The following CSMD1 variants were observed in gnomAD, a reference collection of about 807,000 sequenced individuals.
The protein encoded by CSMD1 is CUB and Sushi multiple domains 1.
CSMD1 carries 213 observed loss-of-function variants against 417.5 expected under a neutral mutation model. The observed-to-expected ratio is 0.51, with a 90% CI of 0.46 to 0.57. The LOEUF (loss-of-function observed/expected upper bound fraction) is 0.57, where lower values mean the gene tolerates loss of function less well. Ranked by LOEUF, CSMD1 falls within the 20% of genes least tolerant of loss-of-function variation. The pLI is 0.00. For synonymous variants in CSMD1, 2,862 were observed against 1,736.8 expected (o/e 1.65, Z -16.11); for missense variants, 6,923 against 4,529.7 (o/e 1.53, Z -15.17).
At chr8:3,349,722 A>C (rs150976860) in intron 21 of CSMD1, among the ~76,000 whole-genome samples, 19 of 147,872 alleles carry the variant, frequency 1.3e-4, no homozygotes, top group Non-Finnish European at 2.7e-4. Flanking sequence ...GAGTAGGTGT[A>C]TATATCTATA....
chr8:3,365,089 T>C (rs1265298153), intron 20 of CSMD1, among the ~76,000 whole-genome samples: 4 of 152,198 alleles, frequency 2.6e-5, no homozygotes, highest in Admixed American at 2.6e-4. Flanking sequence ...GGAAGTGATA[T>C]TCTCATAGCA....
chr8:4,855,665 C>A (rs550597324), intron 1 of CSMD1, among the ~76,000 whole-genome samples: 3 of 151,790 alleles, frequency 2.0e-5, no homozygotes, highest in African/African-American at 7.3e-5. Flanking sequence ...AGGGTATCAG[C>A]GATGGAAGAT....
At chr8:4,475,939 T>G (rs1420142985) in intron 2 of CSMD1, among the ~76,000 whole-genome samples, 2 of 152,176 alleles carry the variant, frequency 1.3e-5, no homozygotes, top group African/African-American at 2.4e-5. Context: ...TTGGTGTTAT[T>G]GCTGTTGGTT....
intron 1 of CSMD1, among the ~76,000 whole-genome samples, chr8:4,774,955 C>T (rs1796774349): frequency 6.6e-6 from 1 of 152,150 alleles, no homozygotes. Context: ...AAACCTTGAG[C>T]AAATTAAACC....
intron 2 of CSMD1, among the ~76,000 whole-genome samples, chr8:4,590,833 A>T (rs1047267602): frequency 1.3e-5 from 2 of 152,210 alleles, no homozygotes; most frequent in South Asian, 2.1e-4. Flanking sequence ...ATAAAAGGAT[A>T]TGGGACATAA....
chr8:4,223,056 C>G (rs1017739987), intron 3 of CSMD1, among the ~76,000 whole-genome samples: 1 of 152,058 alleles, frequency 6.6e-6, no homozygotes, highest in African/African-American at 2.4e-5. Flanking sequence ...CTACATTGGA[C>G]ATTGGAGAGC....
chr8:3,524,536 C>G lies in CSMD1; in HGVS notation c.1345-30810G>C, dbSNP rs368147012. On this transcript the variant is annotated intron_variant, in intron 10 of 69. Coordinates refer to ENST00000635120, the MANE Select transcript of CSMD1 (RefSeq NM_033225.6). ...GCACACATGCAAAGACATACGCACA[C>G]ACAAGCACACACATGCACACACACA... Among the ~76,000 whole-genome samples, 301 of 150,926 alleles carry G rather than the reference C, an allele frequency of 2.0e-3. 1 individual carries two copies. The highest frequency in any genetic ancestry group is 7.1e-3 in the African/African-American group (288 of 40,812).
At chr8:4,993,435 G>A (rs543351925) in intron 1 of CSMD1, among the ~76,000 whole-genome samples, 1 of 152,252 alleles carries the variant, frequency 6.6e-6, no homozygotes, top group South Asian at 2.1e-4. Context: ...GGGAGCTTAT[G>A]TTCTTTCCCG....
intron 25 of CSMD1, among the ~76,000 whole-genome samples, chr8:3,295,718 T>G (rs1353242378): frequency 1.3e-5 from 2 of 152,280 alleles, no homozygotes; most frequent in Non-Finnish European, 2.9e-5. Flanking sequence ...TTATTATATC[T>G]TTAGGAATAC....
chr8:4,648,017 T>C (rs12156349), intron 1 of CSMD1, among the ~76,000 whole-genome samples: 37,603 of 152,172 alleles, frequency 0.25, 5,174 homozygotes, highest in East Asian at 0.43. Context: ...GTTGAACTAA[T>C]TTCCATTCCC....
At chr8:3,861,192 C>G (rs1035561921) in intron 5 of CSMD1, among the ~76,000 whole-genome samples, 1 of 152,138 alleles carries the variant, frequency 6.6e-6, no homozygotes, top group Admixed American at 6.6e-5. Flanking sequence ...TGTTTCTTGG[C>G]AACGAGGTTC....
chr8:3,072,360 A>G (rs1813378488), intron 49 of CSMD1, among the ~76,000 whole-genome samples: 1 of 152,258 alleles, frequency 6.6e-6, no homozygotes, highest in Admixed American at 6.5e-5. Flanking sequence ...GAAGATTTTA[A>G]CAATTAATTA....
intron 23 of CSMD1, among the ~76,000 whole-genome samples, chr8:3,312,519 T>C (rs1371634473): frequency 2.0e-5 from 3 of 152,188 alleles, no homozygotes; most frequent in South Asian, 4.1e-4. Context: ...CAATTTTCAG[T>C]AGACTGAAGA....
chr8:3,471,414 C>T (rs1817089120), intron 11 of CSMD1, among the ~76,000 whole-genome samples: 1 of 152,172 alleles, frequency 6.6e-6, no homozygotes, highest in South Asian at 2.1e-4. Context: ...CATGCAATTA[C>T]AACAAATTAT....
intron 5 of CSMD1, among the ~76,000 whole-genome samples, chr8:3,954,307 G>A (rs933669066): frequency 2.6e-5 from 4 of 152,172 alleles, no homozygotes; most frequent in Non-Finnish European, 5.9e-5. Flanking sequence ...AGAGACCAGG[G>A]CATGCACGCG....
At chr8:3,089,015 A>G (rs1814736901) in intron 48 of CSMD1, among the ~76,000 whole-genome samples, 1 of 152,126 alleles carries the variant, frequency 6.6e-6, no homozygotes, top group African/African-American at 2.4e-5. Context: ...TTCTTCTCTC[A>G]CCAGCCCCTC....
chr8:4,325,037 C>A (rs1459055318), intron 3 of CSMD1, among the ~76,000 whole-genome samples: 3 of 152,064 alleles, frequency 2.0e-5, no homozygotes, highest in Non-Finnish European at 4.4e-5. Flanking sequence ...CACTGTGGCT[C>A]CTTAAAATGG....
chr8:3,193,358 A>C (rs1477896609), intron 33 of CSMD1, among the ~76,000 whole-genome samples: 1 of 152,134 alleles, frequency 6.6e-6, no homozygotes, highest in Non-Finnish European at 1.5e-5. Context: ...TTAGAGGAAG[A>C]AGTTTGGAAA....
At chr8:4,723,777 C>A (rs953491013) in intron 1 of CSMD1, among the ~76,000 whole-genome samples, 2 of 111,604 alleles carry the variant, frequency 1.8e-5, no homozygotes, top group Admixed American at 1.1e-4. Context: ...ATGCAATATG[C>A]TTTCGAATGT....
Sources: allele counts gnomAD v4.1 joint callset (sites outside exome capture counted in the v4.1 genomes callset), GRCh38; gene constraint gnomAD v4.1.1; transcripts MANE v1.5; gene names NCBI Gene and HGNC (gene_info 2026-07-23, HGNC 2026-07-21).